REDIC1: variants seen among roughly 807,000 people sequenced by gnomAD.
The protein encoded by REDIC1 is HEI10 Interacting Protein 1.
At chr12:39,684,780 G>A in the REDIC1 span, 1 of 952,426 alleles carries the variant, frequency 1.0e-6, no homozygotes, top group Non-Finnish European at 1.6e-6. Context: ...ATTCTGATCT[G>A]AAGCCAAGTT....
At chr12:39,714,023 A>G in the REDIC1 span, among the ~76,000 whole-genome samples, 1 of 55,458 alleles carries the variant, frequency 1.8e-5, no homozygotes, top group South Asian at 5.1e-4. Flanking sequence ...ACGTTTATAT[A>G]AGTATATATA....
chr12:39,713,771 ATT>A, the REDIC1 span, among the ~76,000 whole-genome samples: 70 of 149,122 alleles, frequency 4.7e-4, no homozygotes, highest in African/African-American at 1.1e-3. Flanking sequence ...GTATATATAT[ATT>A]TGTACGTAAA....
At chr12:39,900,733 G>A in the REDIC1 span, among the ~76,000 whole-genome samples, 9,823 of 152,202 alleles carry the variant, frequency 0.065, 496 homozygotes, top group Admixed American at 0.12. Flanking sequence ...TGGGTAGGAA[G>A]AATCAATATT....
the REDIC1 span, among the ~76,000 whole-genome samples, chr12:39,817,135 T>C: frequency 5.9e-5 from 9 of 152,312 alleles, no homozygotes; most frequent in Non-Finnish European, 1.3e-4. Flanking sequence ...AGTTGGAAGA[T>C]AAGAGTGAAT....
At chr12:39,743,277 G>GA in the REDIC1 span, among the ~76,000 whole-genome samples, 3 of 152,116 alleles carry the variant, frequency 2.0e-5, no homozygotes, top group Non-Finnish European at 4.4e-5. Context: ...CCTAGAGGGA[G>GA]AAAAAACTGA....
At chr12:39,730,573 C>T in the REDIC1 span, among the ~76,000 whole-genome samples, 2 of 152,166 alleles carry the variant, frequency 1.3e-5, no homozygotes, top group East Asian at 3.8e-4. Flanking sequence ...TGACCTTTCT[C>T]TCTGGCTACC....
At chr12:39,866,522 T>A in the REDIC1 span, among the ~76,000 whole-genome samples, 2 of 152,116 alleles carry the variant, frequency 1.3e-5, no homozygotes, top group Non-Finnish European at 2.9e-5. Context: ...GCTGTCGCCC[T>A]GGTTGGAGTG....
chr12:39,744,706 T>C, the REDIC1 span, among the ~76,000 whole-genome samples: 1 of 151,786 alleles, frequency 6.6e-6, no homozygotes, highest in Non-Finnish European at 1.5e-5. Flanking sequence ...TGTAAATAAA[T>C]AAATATAACA....
chr12:39,733,374 C>T, the REDIC1 span, among the ~76,000 whole-genome samples: 4 of 152,000 alleles, frequency 2.6e-5, no homozygotes, highest in South Asian at 8.3e-4. Flanking sequence ...TATTCTGTTC[C>T]TTTGCTTTAG....
the REDIC1 span, among the ~76,000 whole-genome samples, chr12:39,742,607 G>C: frequency 1.3e-5 from 2 of 152,062 alleles, no homozygotes; most frequent in African/African-American, 4.8e-5. Flanking sequence ...CTAGTCATTT[G>C]CCCAGTAGTT....
the REDIC1 span, among the ~76,000 whole-genome samples, chr12:39,888,792 T>A: frequency 5.9e-5 from 9 of 152,160 alleles, no homozygotes; most frequent in African/African-American, 2.2e-4. Context: ...AACCAAAATT[T>A]TATAATATTA....
the REDIC1 span, chr12:39,758,185 T>A: frequency 1.3e-5 from 2 of 151,692 alleles, no homozygotes; most frequent in Non-Finnish European, 3.0e-5. Context: ...AATATTAATT[T>A]TTTTTATTAT....
the REDIC1 span, among the ~76,000 whole-genome samples, chr12:39,691,697 A>G: frequency 7.0e-4 from 107 of 152,302 alleles, no homozygotes; most frequent in Non-Finnish European, 1.3e-3. Context: ...TAAACGACTG[A>G]TGATCTAACT....
At chr12:39,643,995 T>C in the REDIC1 span, 1 of 1,179,646 alleles carries the variant, frequency 8.5e-7, no homozygotes, top group Non-Finnish European at 1.2e-6. Context: ...AGTTTGTAAT[T>C]TTTGAGCTCA....
chr12:39,726,805 C>T, the REDIC1 span, among the ~76,000 whole-genome samples: 3 of 152,194 alleles, frequency 2.0e-5, no homozygotes, highest in Non-Finnish European at 4.4e-5. Context: ...TCCTATTTCT[C>T]CATATCCTCT....
At chr12:39,878,651 G>A in the REDIC1 span, among the ~76,000 whole-genome samples, 2 of 152,178 alleles carry the variant, frequency 1.3e-5, no homozygotes, top group African/African-American at 4.8e-5. Context: ...AGGGAGAAAA[G>A]GAATTACTTA....
chr12:39,750,250 C>T, the REDIC1 span, among the ~76,000 whole-genome samples: 1 of 152,188 alleles, frequency 6.6e-6, no homozygotes, highest in Admixed American at 6.5e-5. Context: ...GTGCAGAAAT[C>T]ACAAGGATTC....
the REDIC1 span, among the ~76,000 whole-genome samples, chr12:39,736,232 A>G: frequency 6.6e-6 from 1 of 152,156 alleles, no homozygotes; most frequent in Non-Finnish European, 1.5e-5. Flanking sequence ...ATTTTTATGG[A>G]CTATTGTATC....
the REDIC1 span, among the ~76,000 whole-genome samples, chr12:39,696,101 T>A: frequency 0.87 from 131,834 of 152,086 alleles, 57,396 homozygotes; most frequent in African/African-American, 0.92. Flanking sequence ...GTCCTTTTTG[T>A]ATTCCTGGAA....
Sources: gnomAD v4.1 joint callset for allele counts (sites outside exome capture counted in the v4.1 genomes callset) on GRCh38, gnomAD v4.1.1 for gene constraint, MANE v1.5 for transcripts, NCBI Gene and HGNC (gene_info 2026-07-23, HGNC 2026-07-21) for gene names.